Variants in NFAT5 observed in about 807,000 individuals in gnomAD.
The protein encoded by NFAT5 is nuclear factor of activated T cells 5.
Under a neutral mutation model 166.5 loss-of-function variants are expected in NFAT5, and 31 were observed. The observed-to-expected ratio is 0.19, with a 90% CI of 0.14 to 0.25. The LOEUF (loss-of-function observed/expected upper bound fraction) is 0.25. Ranked by LOEUF, NFAT5 falls within the 10% of genes least tolerant of loss-of-function variation. The pLI is 1.00. For missense variants in NFAT5, 1,449 were observed against 1,821.8 expected (o/e 0.80, Z 3.72); for synonymous variants, 612 against 639.7 (o/e 0.96, Z 0.65).
chr16:69,664,900 A>G (rs6499241), intron 7 of NFAT5, among the ~76,000 whole-genome samples: 82,762 of 151,766 alleles, frequency 0.55, 24,048 homozygotes, highest in East Asian at 0.82. Context: ...GGTGGTGCAT[A>G]CCTGTAATCC....
intron 3 of NFAT5, among the ~76,000 whole-genome samples, chr16:69,643,695 G>T (rs1300782962): frequency 6.6e-6 from 1 of 151,876 alleles, no homozygotes; most frequent in Admixed American, 6.5e-5. Context: ...ACATTTATTT[G>T]CCAGCTTATC....
At chr16:69,579,458 C>G (rs549910232) in intron 2 of NFAT5, among the ~76,000 whole-genome samples, 1 of 151,616 alleles carries the variant, frequency 6.6e-6, no homozygotes, top group East Asian at 1.9e-4. Context: ...CTAATTATTG[C>G]TTTTTTTTAA....
chr16:69,619,489 T>G (rs1232610059), intron 2 of NFAT5, among the ~76,000 whole-genome samples: 1 of 152,208 alleles, frequency 6.6e-6, no homozygotes, highest in Non-Finnish European at 1.5e-5. Context: ...GTGTTTTTCT[T>G]TTTTTACTAT....
intron 2 of NFAT5, among the ~76,000 whole-genome samples, chr16:69,569,044 T>C (rs2016278110): frequency 1.3e-5 from 2 of 152,192 alleles, no homozygotes; most frequent in African/African-American, 4.8e-5. Context: ...ATAGCGATGA[T>C]GATTGAGCTA....
chr16:69,597,443 A>T (rs1054508269), intron 2 of NFAT5, among the ~76,000 whole-genome samples: 1 of 152,118 alleles, frequency 6.6e-6, no homozygotes, highest in Admixed American at 6.6e-5. Context: ...AAATAGGTTA[A>T]CAGTGCACTG....
intron 11 of NFAT5, among the ~76,000 whole-genome samples, chr16:69,687,411 A>C (rs1454406660): frequency 6.8e-6 from 1 of 146,936 alleles, no homozygotes; most frequent in African/African-American, 2.5e-5. Flanking sequence ...ACTGCACTCC[A>C]GCTTGGGCAA....
chr16:69,690,857 A>T, intron 11 of NFAT5, 83 bp from the exon 12 acceptor site: 1 of 1,167,514 alleles, frequency 8.6e-7, no homozygotes, highest in Non-Finnish European at 1.2e-6. Context: ...CATTTAAATC[A>T]TGGCTAATAA....
intron 11 of NFAT5, chr16:69,685,190 A>T (rs12598905): frequency 0.12 from 13,996 of 113,930 alleles, 791 homozygotes; most frequent in African/African-American, 0.19. Context: ...ATATATATAT[A>T]TTTTTTTTTT....
At chr16:69,650,875 A>G (rs934824035) in intron 4 of NFAT5, among the ~76,000 whole-genome samples, 19 of 152,222 alleles carry the variant, frequency 1.2e-4, no homozygotes, top group Admixed American at 7.2e-4. Context: ...AGATTAGTAT[A>G]AAACAGAATA....
chr16:69,647,698 T>A lies in NFAT5; in HGVS notation c.812+112T>A. On this transcript the variant is annotated intron_variant, in intron 4 of 14. Transcript: ENST00000349945. The surrounding 1 kb of genome is among the most constrained non-coding windows in gnomAD (Gnocchi z 4.8). The stretch of plus-strand genomic sequence containing the variant: ...CTCAAGTTTGCATATAAAGCAACAG[T>A]GCTAATTTTATCATTGAAATACATG... 1 of 939,940 alleles carries A rather than the reference T, an allele frequency of 1.1e-6. No individual in the cohort carries two copies. The highest frequency in any genetic ancestry group is 1.5e-6 in the Non-Finnish European group (1 of 645,716). 58.2% of individuals were successfully genotyped at this position (939,940 alleles called of 1,614,324 possible). A position where few individuals can be genotyped will look rare whatever the true frequency, so the allele number is the denominator to read the frequency against.
Position 69,673,108 on chromosome 16 carries a change from G to A in NFAT5, c.1557+2820G>A, listed in dbSNP as rs949742932. ...AGGGCAGTTATGCCAGCTACAGTAGGTTAAAGAATAATAATCATAAAAATA... is the reference window on the plus strand; with the variant it reads ...AGGGCAGTTATGCCAGCTACAGTAGATTAAAGAATAATAATCATAAAAATA... On this transcript the variant is annotated intron_variant, in intron 9 of 14. Transcript: ENST00000349945. 3.9e-5 allele frequency among the ~76,000 whole-genome samples: 6 copies of A among 151,994 alleles called. No individual in the cohort carries two copies. In the East Asian group the frequency reaches 1.2e-3, roughly 29 times the overall value.
chr16:69,638,701 A>C (rs2035074660), intron 3 of NFAT5, among the ~76,000 whole-genome samples: 1 of 148,080 alleles, frequency 6.8e-6, no homozygotes. Context: ...GCACCACTGC[A>C]CTCCAGTTTG....
At chr16:69,584,216 ACT>A (rs2031888861) in intron 2 of NFAT5, among the ~76,000 whole-genome samples, 1 of 152,036 alleles carries the variant, frequency 6.6e-6, no homozygotes, top group South Asian at 2.1e-4. Flanking sequence ...ATACAGCAAG[ACT>A]CTGTCTCAAA....
At chr16:69,652,276 A>AC (rs2151630770) in intron 4 of NFAT5, among the ~76,000 whole-genome samples, 1 of 151,872 alleles carries the variant, frequency 6.6e-6, no homozygotes, top group East Asian at 1.9e-4. Context: ...ACATGGTGAA[A>AC]CCCCATCTCT....
chr16:69,638,606 GGCGCCTGTAATCCCA>G (rs2035070124), intron 3 of NFAT5, among the ~76,000 whole-genome samples: 1 of 151,622 alleles, frequency 6.6e-6, no homozygotes, highest in Non-Finnish European at 1.5e-5. Flanking sequence ...GGTGGTGGTG[GGCGCCTGTAATCCCA>G]GCGACTCGGG....
intron 2 of NFAT5, among the ~76,000 whole-genome samples, chr16:69,616,081 C>G (rs1156543182): frequency 6.6e-6 from 1 of 152,082 alleles, no homozygotes; most frequent in African/African-American, 2.4e-5. Context: ...TCTTCCCTAC[C>G]CCATTTGAAC....
chr16:69,600,019 CAATT>C (rs2033039553), intron 2 of NFAT5, among the ~76,000 whole-genome samples: 1 of 151,754 alleles, frequency 6.6e-6, no homozygotes, highest in African/African-American at 2.4e-5. Context: ...AAGAGAAAAT[CAATT>C]AGGAGGTAAT....
chr16:69,678,017 G>T (rs1386170167), intron 10 of NFAT5, among the ~76,000 whole-genome samples: 1 of 151,610 alleles, frequency 6.6e-6, no homozygotes, highest in Non-Finnish European at 1.5e-5. Context: ...AATTAGCTGG[G>T]TGTGGTGATG....
At chr16:69,661,189 C>G (rs1234235840) in intron 7 of NFAT5, among the ~76,000 whole-genome samples, 1 of 149,594 alleles carries the variant, frequency 6.7e-6, no homozygotes, top group Non-Finnish European at 1.5e-5. Flanking sequence ...GCTGGTCTCT[C>G]TTCCTGTTTC....
Sources: gnomAD v4.1 joint callset for allele counts (sites outside exome capture counted in the v4.1 genomes callset) on GRCh38, gnomAD v4.1.1 for gene constraint, Gnocchi (gnomAD v3.1) non-coding constraint, MANE v1.5 for transcripts, NCBI Gene and HGNC (gene_info 2026-07-23, HGNC 2026-07-21) for gene names.